PNKD: variants seen among roughly 807,000 people sequenced by gnomAD.
PNKD encodes the protein probable thioesterase PNKD.
Under a neutral mutation model 45.3 loss-of-function variants are expected in PNKD, and 36 were observed. That is an observed-to-expected ratio of 0.80 (90% CI 0.61 to 1.05). PNKD has a LOEUF of 1.05. Among genes scored for constraint, PNKD ranks in the 50% least tolerant of loss-of-function variants. The probability of loss-of-function intolerance (pLI) is 0.00; values close to 1 mark genes in which losing one functional copy is unlikely to be tolerated. For missense variants in PNKD, 511 were observed against 506.6 expected (o/e 1.01, Z -0.08); for synonymous variants, 197 against 210.1 (o/e 0.94, Z 0.54).
intron 2 of PNKD, among the ~76,000 whole-genome samples, chr2:218,272,056 C>T (rs1402831514): frequency 6.6e-6 from 1 of 152,188 alleles, no homozygotes; most frequent in East Asian, 1.9e-4. Flanking sequence ...TATTACATCC[C>T]CATTTCACAG....
intron 2 of PNKD, among the ~76,000 whole-genome samples, chr2:218,305,774 G>C (rs1693389652): frequency 6.6e-6 from 1 of 152,076 alleles, no homozygotes; most frequent in South Asian, 2.1e-4. Flanking sequence ...TTTTTTCCAG[G>C]GTCTGGAGTT....
chr2:218,272,446 A>T, intron 2 of PNKD: 4 of 871,280 alleles, frequency 4.6e-6, no homozygotes, highest in Non-Finnish European at 7.6e-6. Flanking sequence ...AGCACAGAGG[A>T]TGAATAGACT....
At chr2:218,284,221 C>G (rs375337373) in intron 2 of PNKD, 1 of 151,676 alleles carries the variant, frequency 6.6e-6, no homozygotes, top group Admixed American at 6.6e-5. Flanking sequence ...AAACCCCAAC[C>G]GTGATGTCAC....
At chr2:218,271,688 TCA>T in intron 2 of PNKD, 139 bp downstream of exon 2, 5 of 726,928 alleles carry the variant, frequency 6.9e-6, no homozygotes, top group Non-Finnish European at 1.2e-5. Flanking sequence ...GATTGGAATC[TCA>T]GAGGGGTGGG....
In PNKD at chr2:218,313,610, T is replaced by G. The variant is rs567908526; in HGVS notation, c.237-26173T>G. 4.6e-5 allele frequency among the ~76,000 whole-genome samples: 7 copies of G among 152,338 alleles called. No homozygotes were observed. In the South Asian group the frequency reaches 1.4e-3, roughly 32 times the overall value. On this transcript the variant is annotated intron_variant, in intron 2 of 9. Coordinates refer to ENST00000273077, the MANE Select transcript of PNKD (RefSeq NM_015488.5). Reference sequence around the variant, plus strand: ...TCTCTAGGTTGTTTGTAGAGTTTCATCATTACCAGTAACCCTGGGCCTTCA... The same window carrying G: ...TCTCTAGGTTGTTTGTAGAGTTTCAGCATTACCAGTAACCCTGGGCCTTCA...
chr2:218,333,843 C>T (rs1291048761), intron 2 of PNKD, among the ~76,000 whole-genome samples: 1 of 151,290 alleles, frequency 6.6e-6, no homozygotes, highest in Non-Finnish European at 1.5e-5. Flanking sequence ...GGCCAGGCGC[C>T]GTGGCTCACA....
intron 2 of PNKD, among the ~76,000 whole-genome samples, chr2:218,331,869 C>T (rs988428815): frequency 1.3e-5 from 2 of 152,214 alleles, no homozygotes; most frequent in Non-Finnish European, 2.9e-5. Context: ...AAACCTGTTG[C>T]TCTAGATCAT....
At chr2:218,319,506 G>C (rs1220714298) in intron 2 of PNKD, among the ~76,000 whole-genome samples, 1 of 150,418 alleles carries the variant, frequency 6.6e-6, no homozygotes, top group East Asian at 2.0e-4. Context: ...CTCCTGAGTA[G>C]CTGGGATTAC....
At chr2:218,297,461 C>CAGGAGTTAGAG (rs1241639973) in intron 2 of PNKD, among the ~76,000 whole-genome samples, 1 of 152,010 alleles carries the variant, frequency 6.6e-6, no homozygotes, top group African/African-American at 2.4e-5. Flanking sequence ...GGGGGTGGAT[C>CAGGAGTTAGAG]ACCTGAGGTC....
At chr2:218,313,770 G>A (rs180764183) in intron 2 of PNKD, among the ~76,000 whole-genome samples, 1 of 152,104 alleles carries the variant, frequency 6.6e-6, no homozygotes, top group Admixed American at 6.6e-5. Flanking sequence ...CAAATTTGAT[G>A]TCCCTACAAA....
intron 2 of PNKD, among the ~76,000 whole-genome samples, chr2:218,318,956 T>TTC (rs1693899042): frequency 8.7e-6 from 1 of 115,272 alleles, no homozygotes; most frequent in Non-Finnish European, 1.7e-5. Flanking sequence ...TTTTCTTTTT[T>TTC]TTTTTTTTTT....
Position 218,331,339 on chromosome 2 carries a change from G to A in PNKD, c.237-8444G>A, listed in dbSNP as rs370205429. ...GAAGAATCGCTTGAACCCGGGAGGC[G>A]GTGGTTGCAGTGAGCTGAGATCATG... is the stretch of plus-strand genomic sequence containing the variant. On this transcript the variant is annotated intron_variant, in intron 2 of 9. Coordinates refer to ENST00000273077, the MANE Select transcript of PNKD (RefSeq NM_015488.5). Among the ~76,000 whole-genome samples the A allele has an allele frequency of 1.8e-3, 273 of 151,898 alleles. 3 individuals carry two copies. The highest frequency in any genetic ancestry group is 6.3e-3 in the African/African-American group (262 of 41,468).
chr2:218,338,688 TAGTC>T (rs987666239), intron 2 of PNKD, among the ~76,000 whole-genome samples: 3 of 151,676 alleles, frequency 2.0e-5, no homozygotes, highest in Non-Finnish European at 4.4e-5. Context: ...TTCACCATGT[TAGTC>T]AGGCTGGTCT....
Position 218,282,119 on chromosome 2 carries a change from G to C in PNKD, c.236+10570G>C, listed in dbSNP as rs146727797. ...CAGGGGGTTGCGGTCTTCATATGGT[G>C]GTGGGGCGCTGGGGTTGGACATGGC... On this transcript the variant is annotated intron_variant, in intron 2 of 9. Coordinates refer to ENST00000273077, the MANE Select transcript of PNKD (RefSeq NM_015488.5). 1.3e-3 allele frequency: 2,046 copies of C among 1,526,654 alleles called. 1 individual carries two copies. The highest frequency in any genetic ancestry group is 1.6e-3 in the Non-Finnish European group (1,859 of 1,138,044). The allele number at this position is 1,526,654 out of a possible 1,614,324, so 94.6% of individuals were successfully genotyped here.
intron 9 of PNKD, 40 bp downstream of exon 9, chr2:218,344,610 C>A: frequency 1.3e-6 from 2 of 1,530,522 alleles, no homozygotes; most frequent in Non-Finnish European, 1.8e-6. Flanking sequence ...TGTGGGCAGG[C>A]ACTCAGCCCC....
intron 2 of PNKD, chr2:218,289,902 G>A (rs1194807130): frequency 6.6e-6 from 1 of 152,134 alleles, no homozygotes; most frequent in African/African-American, 2.4e-5. Context: ...GATCAGTTAC[G>A]CCCGAGCTAA....
chr2:218,282,304 T>G, intron 2 of PNKD: 1 of 568,728 alleles, frequency 1.8e-6, no homozygotes. Flanking sequence ...ATTTTCTCCT[T>G]AGAGGGCAGC....
intron 2 of PNKD, among the ~76,000 whole-genome samples, chr2:218,276,245 T>TA (rs908877590): frequency 2.0e-5 from 3 of 152,038 alleles, no homozygotes; most frequent in Non-Finnish European, 2.9e-5. Context: ...TTAAGACTGG[T>TA]GATATATCCA....
chr2:218,333,973 G>GGC (rs1021870290), intron 2 of PNKD, among the ~76,000 whole-genome samples: 8 of 147,032 alleles, frequency 5.4e-5, no homozygotes, highest in African/African-American at 1.7e-4. Flanking sequence ...AAATTAGCCG[G>GGC]GCGTGGTGGC....
Sources: allele counts gnomAD v4.1 joint callset (sites outside exome capture counted in the v4.1 genomes callset), GRCh38; gene constraint gnomAD v4.1.1; transcripts MANE v1.5; gene names NCBI Gene and HGNC (gene_info 2026-07-23, HGNC 2026-07-21).